VPS13D: variants seen among roughly 807,000 people sequenced by gnomAD.
VPS13D encodes vacuolar protein sorting 13 homolog D, also known as intermembrane lipid transfer protein VPS13D.
VPS13D carries 187 observed loss-of-function variants against 461.9 expected under a neutral mutation model. The observed-to-expected ratio is 0.40, with a 90% CI of 0.36 to 0.46. The LOEUF is 0.46. VPS13D is among the 20% of genes least tolerant of loss of function. The probability of loss-of-function intolerance (pLI) is 0.60; values close to 1 mark genes in which losing one functional copy is unlikely to be tolerated. For missense variants in VPS13D, 4,711 were observed against 5,364.9 expected, an observed-to-expected ratio of 0.88 and a Z score of 3.81; for synonymous variants, 1,951 against 1,986.3, an observed-to-expected ratio of 0.98 and a Z score of 0.47.
At chr1:12,326,280 C>CT (rs141587637) in intron 35 of VPS13D, among the ~76,000 whole-genome samples, 16,755 of 93,348 alleles carry the variant, frequency 0.18, 2,701 homozygotes, top group African/African-American at 0.44. Context: ...ATTCGAGCAC[C>CT]TTTTTTTTTT....
chr1:12,497,565 A>G lies in VPS13D; in HGVS notation c.12728A>G (p.Tyr4243Cys), dbSNP rs1298250246. The change falls in exon 68 of 70, where the codon TAT (tyrosine) becomes TGT (cysteine). Residue 4243 changes from tyrosine (Y) to cysteine (C), a missense_variant. This residue lies in a region of VPS13D where 194 missense variants were observed against 220.9 expected (regional missense o/e 0.88). Transcript: ENST00000620676. Reference sequence around the variant, plus strand: ...GGGCCCCAGGGGCTGCTTCCCCGATATTCTGAGAGCCAGGCGGAAGGACAG... The same window carrying G: ...GGGCCCCAGGGGCTGCTTCCCCGATGTTCTGAGAGCCAGGCGGAAGGACAG... ...CTGPQGLLPRYSESQAEGQEQ... is the reference protein window; with the variant it reads ...CTGPQGLLPRCSESQAEGQEQ... 1 of 1,613,994 alleles carries G rather than the reference A, an allele frequency of 6.2e-7. No individual in the cohort carries two copies.
intron 13 of VPS13D, 78 bp downstream of exon 13, chr1:12,262,158 G>C: frequency 6.8e-7 from 1 of 1,477,652 alleles, no homozygotes. Context: ...ATTATTTGCT[G>C]TGGGGATAGT....
At chr1:12,316,104 C>T (rs185255112) in intron 30 of VPS13D, among the ~76,000 whole-genome samples, 16 of 152,228 alleles carry the variant, frequency 1.1e-4, no homozygotes, top group East Asian at 1.9e-4. Context: ...TGTGAGCCAC[C>T]GTGCCCGGCC....
At position 12,356,462 on chromosome 1, in the gene VPS13D, TG is replaced by T; in HGVS notation, c.9937del (p.Glu3313SerfsTer6). 1 of 1,611,286 alleles carries T rather than the reference TG, an allele frequency of 6.2e-7. No individual in the cohort carries two copies. The highest frequency in any genetic ancestry group is 8.5e-7 in the Non-Finnish European group (1 of 1,177,494). On this transcript the variant is annotated frameshift_variant, in exon 49 of 70. Transcript: ENST00000620676. LOFTEE classifies it high-confidence loss of function. ...ATGCTGCAGGCCAGTTTGAGGAGCA[TG>T]AGCTGGCCCGTAGCCTGAGTCCTCT... ...TDAAGQFEEH[E>X]LARSLSPLLF...
At chr1:12,243,651 C>A (rs1311949700) in intron 3 of VPS13D, among the ~76,000 whole-genome samples, 1 of 152,102 alleles carries the variant, frequency 6.6e-6, no homozygotes, top group Non-Finnish European at 1.5e-5. Flanking sequence ...AGCTTGTATT[C>A]TAGGAGGCTT....
chr1:12,283,056 G>A lies in VPS13D; in HGVS notation c.4954G>A (p.Val1652Met). The change falls in exon 21 of 70, where the codon GTG (valine) becomes ATG (methionine). Residue 1652 changes from valine (V) to methionine (M), a missense_variant. Val to Met is a conservative substitution (Grantham distance 21, BLOSUM62 1). Coordinates refer to ENST00000620676, the MANE Select transcript of VPS13D (RefSeq NM_015378.4). The stretch of plus-strand genomic sequence containing the variant: ...GAGCTTAAAGTTTCAGGACTTTGAG[G>A]TGGAATTCAGTAAAGACCATCCCCA... ...LVSLKFQDFE[V>M]EFSKDHPQTL... is the part of the protein sequence containing the mutation. The A allele has an allele frequency of 6.8e-6, 11 of 1,614,180 alleles. No individual in the cohort carries two copies. Among genetic ancestry groups the A allele is most frequent in the Non-Finnish European group, 9.3e-6 (11 of 1,180,026 alleles).
chr1:12,488,129 A>G (rs1645825819), intron 67 of VPS13D, among the ~76,000 whole-genome samples: 1 of 152,246 alleles, frequency 6.6e-6, no homozygotes, highest in Non-Finnish European at 1.5e-5. Flanking sequence ...CAGGTCCAGG[A>G]GAACTTGTCC....
chr1:12,237,905 C>A (rs1046989978), intron 2 of VPS13D, among the ~76,000 whole-genome samples: 20 of 151,204 alleles, frequency 1.3e-4, no homozygotes, highest in African/African-American at 4.9e-4. Flanking sequence ...CCTGTAATTC[C>A]AGCACTTTGG....
At position 12,406,166 on chromosome 1, in the gene VPS13D, G is replaced by A. The variant is rs556630355; in HGVS notation, c.12030+2193G>A. ...TAAGTTAATGTTTCCAGCAGGGTGC[G>A]GGGAATTGGGACTAAAGAGTTAAAT... On this transcript the variant is annotated intron_variant, in intron 63 of 69. Coordinates refer to ENST00000620676, the MANE Select transcript of VPS13D (RefSeq NM_015378.4). 2.6e-5 allele frequency among the ~76,000 whole-genome samples: 4 copies of A among 152,238 alleles called. No homozygotes were observed. In the South Asian group the frequency reaches 6.2e-4, roughly 24 times the overall value.
chr1:12,266,923 C>CGTTG lies in VPS13D; in HGVS notation c.1638_1641dup (p.Leu548ValfsTer28). On this transcript the variant is annotated frameshift_variant, in exon 14 of 70. Coordinates refer to ENST00000620676, the MANE Select transcript of VPS13D (RefSeq NM_015378.4). LOFTEE classifies it high-confidence loss of function. ...GAGTCTCTTCCTCGAAGAAATTCCT[C>CGTTG]GTTGCTTTCAGTCCGGTTGGGTGGA... 6.2e-7 allele frequency: 1 copy of CGTTG among 1,605,064 alleles called. No individual in the cohort carries two copies. Among genetic ancestry groups the CGTTG allele is most frequent in the Non-Finnish European group, 8.5e-7 (1 of 1,177,382 alleles).
At chr1:12,349,673 G>A (rs1260450055) in intron 46 of VPS13D, among the ~76,000 whole-genome samples, 1 of 152,122 alleles carries the variant, frequency 6.6e-6, no homozygotes, top group Non-Finnish European at 1.5e-5. Context: ...AGACGGGAAG[G>A]AAAACAAACA....
chr1:12,276,009 T>C lies in VPS13D; in HGVS notation c.2421T>C (p.His807=). 1.2e-6 allele frequency: 2 copies of C among 1,613,820 alleles called. No individual in the cohort carries two copies. Among genetic ancestry groups the C allele is most frequent in the Non-Finnish European group, 1.7e-6 (2 of 1,180,006 alleles). ...TCAGTGAAGAACAGCTTCAAGCACA[T>C]TTAATGAGCACAAAGATGTATGAGA... is the stretch of plus-strand genomic sequence containing the variant. ...VEFSEEQLQA[H]LMSTKMYERY... Residue 807 remains histidine, a synonymous_variant, in exon 19 of 70, where the codon CAT becomes CAC. Transcript: ENST00000620676. The surrounding 1 kb of genome is among the most constrained non-coding windows in gnomAD (Gnocchi z 4.5).
At chr1:12,240,772 G>A (rs1442531442) in intron 2 of VPS13D, among the ~76,000 whole-genome samples, 2 of 117,628 alleles carry the variant, frequency 1.7e-5, no homozygotes, top group East Asian at 5.3e-4. Context: ...TTTCGCTGGG[G>A]TTACAAACTT....
intron 44 of VPS13D, among the ~76,000 whole-genome samples, chr1:12,347,256 C>T (rs531956554): frequency 4.6e-5 from 7 of 152,042 alleles, no homozygotes; most frequent in Non-Finnish European, 7.4e-5. Flanking sequence ...CTGCAACATC[C>T]GCCCCCCGGG....
At chr1:12,306,847 C>G (rs1407952614) in intron 26 of VPS13D, among the ~76,000 whole-genome samples, 1 of 152,176 alleles carries the variant, frequency 6.6e-6, no homozygotes, top group Non-Finnish European at 1.5e-5. Flanking sequence ...AATCTAGATC[C>G]TTCTCTTAGG....
intron 67 of VPS13D, among the ~76,000 whole-genome samples, chr1:12,464,129 G>T (rs1645448693): frequency 6.6e-6 from 1 of 152,158 alleles, no homozygotes; most frequent in South Asian, 2.1e-4. Flanking sequence ...AAATCACCCT[G>T]GTTTCTTGGA....
At chr1:12,381,513 G>A (rs368032266) in intron 57 of VPS13D, among the ~76,000 whole-genome samples, 1 of 152,168 alleles carries the variant, frequency 6.6e-6, no homozygotes, top group Admixed American at 6.5e-5. Context: ...GAAGGACTCC[G>A]TACTTCTATA....
intron 65 of VPS13D, among the ~76,000 whole-genome samples, chr1:12,443,358 T>C (rs904040582): frequency 2.0e-5 from 3 of 152,280 alleles, no homozygotes; most frequent in African/African-American, 7.2e-5. Context: ...AGGAATGTGC[T>C]ACAGTTTATT....
Position 12,277,463 on chromosome 1 carries a change from A to G in VPS13D, c.3875A>G (p.His1292Arg), listed in dbSNP as rs1641649156. The change falls in exon 19 of 70, where the codon CAT (histidine) becomes CGT (arginine). Residue 1292 changes from histidine to arginine, a missense_variant. His to Arg is a conservative substitution (Grantham distance 29). Transcript: ENST00000620676. Reference sequence around the variant, plus strand: ...CTCAACCTGAAGATGGCTTCTTTACATTATAACCACTCTGCTAAGTTTTTG... The same window carrying G: ...CTCAACCTGAAGATGGCTTCTTTACGTTATAACCACTCTGCTAAGTTTTTG... ...CFLNLKMASLHYNHSAKFLKE... is the reference protein window; with the variant it reads ...CFLNLKMASLRYNHSAKFLKE... The G allele has an allele frequency of 1.2e-6, 2 of 1,614,166 alleles. No homozygotes were observed. The highest frequency in any genetic ancestry group is 1.7e-6 in the Non-Finnish European group (2 of 1,180,026).
Sources: allele counts gnomAD v4.1 joint callset (sites outside exome capture counted in the v4.1 genomes callset), GRCh38; gene constraint gnomAD v4.1.1; regional missense constraint gnomAD v4.1.1; non-coding constraint Gnocchi (gnomAD v3.1); transcripts MANE v1.5; gene names NCBI Gene and HGNC (gene_info 2026-07-23, HGNC 2026-07-21).